PREX2: variants seen among roughly 807,000 people sequenced by gnomAD.
PREX2 encodes phosphatidylinositol 3,4,5-trisphosphate-dependent Rac exchanger 2 protein.
Under a neutral mutation model 203.2 loss-of-function variants are expected in PREX2, and 107 were observed. The observed-to-expected ratio is 0.53, with a 90% CI of 0.45 to 0.62. The LOEUF (loss-of-function observed/expected upper bound fraction) is 0.62, where lower values mean the gene tolerates loss of function less well. PREX2 is among the 20% of genes least tolerant of loss of function. PREX2 has a pLI of 0.00. For synonymous variants in PREX2, 672 were observed against 663.6 expected (o/e 1.01, Z -0.19); for missense variants, 1,777 against 1,955.9 (o/e 0.91, Z 1.72).
intron 8 of PREX2, among the ~76,000 whole-genome samples, chr8:68,045,167 T>C (rs1808313803): frequency 6.6e-6 from 1 of 151,980 alleles, no homozygotes; most frequent in South Asian, 2.1e-4. Context: ...AGCTAATTTA[T>C]GAAATCATGA....
chr8:68,224,360 C>T (rs181604716), intron 38 of PREX2, among the ~76,000 whole-genome samples, 199 bp from the exon 39 acceptor site: 2 of 152,228 alleles, frequency 1.3e-5, no homozygotes, highest in East Asian at 3.9e-4. Context: ...GGAATAAAGA[C>T]AAAGCAACAT....
At chr8:67,969,492 T>C (rs1219220472) in intron 1 of PREX2, among the ~76,000 whole-genome samples, 1 of 152,140 alleles carries the variant, frequency 6.6e-6, no homozygotes, top group Non-Finnish European at 1.5e-5. Context: ...CATCCCATAA[T>C]AATAAGGATT....
chr8:68,078,892 A>G (rs925099005), intron 15 of PREX2, among the ~76,000 whole-genome samples: 1 of 152,262 alleles, frequency 6.6e-6, no homozygotes, highest in African/African-American at 2.4e-5. Context: ...TAAAGCATGA[A>G]CAGTGTAGCT....
rs868344429 is a variant in PREX2 at position 68,132,522 on chromosome 8, C to T, written c.3767-1537C>T. Among the ~76,000 whole-genome samples, 8 of 151,776 alleles carry T rather than the reference C, an allele frequency of 5.3e-5. No individual in the cohort carries two copies. The South Asian group carries it at 8.3e-4, about 16-fold the overall frequency. ...TTAATTATCTTTCTAATAAAATTTT[C>T]AAGAGTAGGTTTTACAGTGAAACCG... On this transcript the variant is annotated intron_variant, in intron 31 of 39. Transcript: ENST00000288368.
At chr8:67,961,968 A>T (rs1394947933) in intron 1 of PREX2, among the ~76,000 whole-genome samples, 1 of 152,210 alleles carries the variant, frequency 6.6e-6, no homozygotes, top group Non-Finnish European at 1.5e-5. Context: ...AAATGACTCC[A>T]TCTGATTAAA....
chr8:68,110,306 G>T (rs1358841905), intron 25 of PREX2, among the ~76,000 whole-genome samples: 1 of 152,192 alleles, frequency 6.6e-6, no homozygotes, highest in African/African-American at 2.4e-5. Context: ...ATCTAGTCCA[G>T]ACAGCTCTGT....
chr8:68,056,366 C>T (rs1414762733), intron 10 of PREX2, among the ~76,000 whole-genome samples: 1 of 152,130 alleles, frequency 6.6e-6, no homozygotes, highest in Non-Finnish European at 1.5e-5. Context: ...AAGAGACAGT[C>T]TGAACTACCA....
chr8:67,982,352 G>A (rs905351467), intron 1 of PREX2, among the ~76,000 whole-genome samples: 1 of 152,076 alleles, frequency 6.6e-6, no homozygotes, highest in African/African-American at 2.4e-5. Flanking sequence ...AGCCCAGGAG[G>A]TTGAGACTGC....
chr8:68,190,804 C>T (rs1585854459), intron 35 of PREX2, among the ~76,000 whole-genome samples: 2 of 151,508 alleles, frequency 1.3e-5, no homozygotes, highest in East Asian at 1.9e-4. Context: ...ATACATTTTA[C>T]CATCACTAAA....
intron 37 of PREX2, among the ~76,000 whole-genome samples, chr8:68,214,010 A>G (rs1376887435): frequency 2.0e-5 from 3 of 152,162 alleles, no homozygotes; most frequent in Non-Finnish European, 2.9e-5. Flanking sequence ...GAAGGCCTAT[A>G]TTTTCCAGGT....
intron 38 of PREX2, 59 bp from the exon 39 acceptor site, chr8:68,224,500 G>T (rs554920963): frequency 9.5e-6 from 12 of 1,257,714 alleles, no homozygotes; most frequent in Non-Finnish European, 1.3e-5. Flanking sequence ...AAATGTTAAT[G>T]GTATGTTAAA....
intron 28 of PREX2, among the ~76,000 whole-genome samples, 186 bp from the exon 29 acceptor site, chr8:68,120,010 A>G (rs1563554815): frequency 6.6e-6 from 1 of 152,186 alleles, no homozygotes; most frequent in Admixed American, 6.5e-5. Context: ...ATAGTAAGAA[A>G]TGTCATTGCA....
At chr8:68,104,752 T>C (rs7017171) in intron 23 of PREX2, among the ~76,000 whole-genome samples, 72,328 of 152,032 alleles carry the variant, frequency 0.48, 17,738 homozygotes, top group African/African-American at 0.59. Context: ...TGTTTACTGA[T>C]GTTCCCCAAC....
intron 3 of PREX2, among the ~76,000 whole-genome samples, chr8:68,019,969 TTA>T (rs1039030589): frequency 6.6e-6 from 1 of 152,236 alleles, no homozygotes; most frequent in Non-Finnish European, 1.5e-5. Flanking sequence ...GAATGAATTT[TTA>T]TGTTTCTCTC....
intron 3 of PREX2, among the ~76,000 whole-genome samples, chr8:68,021,316 T>C (rs1234767860): frequency 1.3e-5 from 2 of 152,222 alleles, no homozygotes; most frequent in African/African-American, 4.8e-5. Context: ...TGGAGCTACA[T>C]AGGACTGTCA....
At chr8:67,972,930 T>G (rs1805966767) in intron 1 of PREX2, among the ~76,000 whole-genome samples, 1 of 152,152 alleles carries the variant, frequency 6.6e-6, no homozygotes, top group African/African-American at 2.4e-5. Flanking sequence ...AAATTCATCA[T>G]TTTCCCTTAG....
chr8:68,192,681 T>C (rs1242852537), intron 37 of PREX2, 156 bp downstream of exon 37: 2 of 572,300 alleles, frequency 3.5e-6, no homozygotes, highest in African/African-American at 3.8e-5. Context: ...GTTTTAATTC[T>C]TGTATTTTCA....
At chr8:68,058,616 G>A (rs1270768740) in intron 10 of PREX2, among the ~76,000 whole-genome samples, 3 of 151,898 alleles carry the variant, frequency 2.0e-5, no homozygotes, top group Non-Finnish European at 4.4e-5. Context: ...TAAATTTTTA[G>A]TAGAGACAGA....
intron 30 of PREX2, among the ~76,000 whole-genome samples, chr8:68,127,077 A>G (rs1404007323): frequency 6.6e-6 from 1 of 152,128 alleles, no homozygotes; most frequent in Non-Finnish European, 1.5e-5. Flanking sequence ...CAGGATTTGA[A>G]TGGTGTTTCA....
Sources: gnomAD v4.1 joint callset for allele counts (sites outside exome capture counted in the v4.1 genomes callset) on GRCh38, gnomAD v4.1.1 for gene constraint, MANE v1.5 for transcripts, NCBI Gene and HGNC (gene_info 2026-07-23, HGNC 2026-07-21) for gene names.